Variants in PSMC6 observed in about 807,000 individuals in gnomAD.
PSMC6 encodes proteasome 26S subunit, ATPase 6, also known as 26S proteasome regulatory subunit 10B.
Under a neutral mutation model 55.9 loss-of-function variants are expected in PSMC6, and 3 were observed. That is an observed-to-expected ratio of 0.05 (90% CI 0.02 to 0.14). The LOEUF (loss-of-function observed/expected upper bound fraction) is 0.14, where lower values mean the gene tolerates loss of function less well. Among genes scored for constraint, PSMC6 ranks in the 10% least tolerant of loss-of-function variants. PSMC6 has a pLI of 1.00. For missense variants in PSMC6, 210 were observed against 478.7 expected (o/e 0.44, Z 5.24); for synonymous variants, 137 against 155.9 (o/e 0.88, Z 0.90).
intron 7 of PSMC6, among the ~76,000 whole-genome samples, chr14:52,716,189 C>G (rs1007370978): frequency 6.6e-6 from 1 of 152,054 alleles, no homozygotes; most frequent in Admixed American, 6.6e-5. Flanking sequence ...ATAAAAAAGA[C>G]AAAAGTGTTT....
chr14:52,722,764 A>C (rs948988218), intron 12 of PSMC6: 4 of 152,166 alleles, frequency 2.6e-5, no homozygotes, highest in Admixed American at 6.6e-5. Flanking sequence ...GAAACACACA[A>C]AGTTTTGTTG....
intron 1 of PSMC6, among the ~76,000 whole-genome samples, chr14:52,707,787 G>A (rs1448008821): frequency 5.3e-5 from 8 of 152,188 alleles, no homozygotes; most frequent in African/African-American, 1.4e-4. Flanking sequence ...GTGTTGTACT[G>A]TATCAGGCAT....
chr14:52,723,902 G>A, intron 12 of PSMC6, 63 bp from the exon 13 acceptor site: 1 of 1,587,662 alleles, frequency 6.3e-7, no homozygotes, highest in South Asian at 1.2e-5. Context: ...AATTTTCGAT[G>A]TGGGCATAAA....
intron 6 of PSMC6, among the ~76,000 whole-genome samples, chr14:52,712,208 A>T (rs1280228482): frequency 1.3e-5 from 2 of 152,168 alleles, no homozygotes; most frequent in African/African-American, 4.8e-5. Flanking sequence ...CTCATACTTC[A>T]GTACATTAAT....
intron 6 of PSMC6, among the ~76,000 whole-genome samples, chr14:52,712,147 TG>T (rs2041779570): frequency 6.6e-6 from 1 of 152,202 alleles, no homozygotes; most frequent in Admixed American, 6.5e-5. Flanking sequence ...TAGGAATTAA[TG>T]GGAATAATTG....
intron 7 of PSMC6, among the ~76,000 whole-genome samples, chr14:52,715,878 A>G (rs2041825413): frequency 6.6e-6 from 1 of 152,050 alleles, no homozygotes; most frequent in Admixed American, 6.6e-5. Flanking sequence ...CAGCCTCCCA[A>G]AGTGCTGGGA....
chr14:52,708,656 C>G (rs555592840), intron 3 of PSMC6, 108 bp from the exon 4 acceptor site: 2 of 1,549,672 alleles, frequency 1.3e-6, no homozygotes, highest in East Asian at 4.5e-5. Flanking sequence ...TTTCCTTCAA[C>G]TAATGTCTCC....
chr14:52,725,749 A>G (rs10136643), intron 13 of PSMC6, among the ~76,000 whole-genome samples: 94,784 of 152,084 alleles, frequency 0.62, 29,719 homozygotes, highest in African/African-American at 0.68. Context: ...TCCTGGGCCC[A>G]AGTAATCCAC....
chr14:52,711,660 TG>T, intron 6 of PSMC6, 136 bp downstream of exon 6: 3 of 447,798 alleles, frequency 6.7e-6, no homozygotes, highest in Non-Finnish European at 1.2e-5. Context: ...TTACTATTCT[TG>T]CTAAGAAGAA....
intron 13 of PSMC6, among the ~76,000 whole-genome samples, chr14:52,726,630 A>C (rs1286875680): frequency 2.0e-5 from 3 of 152,060 alleles, no homozygotes; most frequent in Non-Finnish European, 4.4e-5. Context: ...GGGACCATTT[A>C]AGCCTGATTT....
At chr14:52,718,771 C>T (rs544093643) in intron 9 of PSMC6, 14 of 539,904 alleles carry the variant, frequency 2.6e-5, no homozygotes, top group East Asian at 1.3e-4. Flanking sequence ...GGCGACAGAG[C>T]GAGACTCCGT....
chr14:52,713,696 A>AAG, intron 6 of PSMC6, among the ~76,000 whole-genome samples, 185 bp from the exon 7 acceptor site: 1 of 152,302 alleles, frequency 6.6e-6, no homozygotes, highest in African/African-American at 2.4e-5. Flanking sequence ...TTTTAGATTT[A>AAG]AGAGATCTTA....
intron 4 of PSMC6, chr14:52,709,844 A>C (rs549310445): frequency 8.8e-4 from 176 of 201,040 alleles, no homozygotes; most frequent in African/African-American, 4.1e-3. Flanking sequence ...TTTGAGCATC[A>C]TGTCAGCATT....
At chr14:52,718,668 C>T (rs1442649642) in intron 9 of PSMC6, 1 of 403,308 alleles carries the variant, frequency 2.5e-6, no homozygotes, top group African/African-American at 2.0e-5. Context: ...TGCCTGTAAT[C>T]CCAGCTACTG....
chr14:52,725,656 T>C (rs542848015), intron 13 of PSMC6, among the ~76,000 whole-genome samples: 12 of 152,310 alleles, frequency 7.9e-5, no homozygotes, highest in African/African-American at 2.6e-4. Context: ...GCTGGGACTA[T>C]AGGCGTGCGC....
chr14:52,717,790 G>T (rs2041845829), intron 7 of PSMC6, among the ~76,000 whole-genome samples: 1 of 152,030 alleles, frequency 6.6e-6, no homozygotes, highest in East Asian at 1.9e-4. Flanking sequence ...GGCTGAAGTG[G>T]CAGGATCACC....
rs751226608 is a variant in PSMC6 at position 52,718,370 on chromosome 14, G to C, written c.715+18G>C. 10 of 1,598,510 alleles carry C rather than the reference G, an allele frequency of 6.3e-6. No individual in the cohort carries two copies. The highest frequency in any genetic ancestry group is 2.7e-5 in the African/African-American group (2 of 73,864). On this transcript the variant is annotated intron_variant, in intron 9 of 13. Coordinates refer to ENST00000445930, the MANE Select transcript of PSMC6 (RefSeq NM_002806.5). The stretch of plus-strand genomic sequence containing the variant: ...TGCTATTGGTAAGAATAACACCCTT[G>C]TTGAAAGTTTTAGGACTTTTTTTTA...
At chr14:52,709,706 C>T (rs2041745308) in intron 4 of PSMC6, 2 of 356,098 alleles carry the variant, frequency 5.6e-6, no homozygotes, top group Admixed American at 4.2e-5. Flanking sequence ...ATCCAAAATG[C>T]TTGAGCCAGA....
chr14:52,721,423 T>G (rs2139853910), intron 12 of PSMC6: 1 of 412,084 alleles, frequency 2.4e-6, no homozygotes, highest in Non-Finnish European at 4.4e-6. Flanking sequence ...ATTAGAGAAC[T>G]TATATTCTTG....
Sources: gnomAD v4.1 joint callset for allele counts (sites outside exome capture counted in the v4.1 genomes callset) on GRCh38, gnomAD v4.1.1 for gene constraint, MANE v1.5 for transcripts, NCBI Gene and HGNC (gene_info 2026-07-23, HGNC 2026-07-21) for gene names.